Variants in LOXL3 observed in about 807,000 individuals in gnomAD.
LOXL3 encodes the protein lysyl oxidase homolog 3.
In LOXL3, 60 loss-of-function variants were observed where a neutral mutation model predicts 91.8. The observed-to-expected ratio is 0.65, with a 90% CI of 0.53 to 0.81. The LOEUF (loss-of-function observed/expected upper bound fraction) is 0.81. Among genes scored for constraint, LOXL3 ranks in the 30% least tolerant of loss-of-function variants. The pLI is 0.00. For missense variants in LOXL3, 874 were observed against 1,000.4 expected (o/e 0.87, Z 1.70); for synonymous variants, 355 against 387.6 (o/e 0.92, Z 0.99).
chr2:74,554,421 T>TGGCTTTCACTCTGACGTCAC (rs1001809605), upstream of LOXL3: 7 of 366,458 alleles, frequency 1.9e-5, no homozygotes, highest in Non-Finnish European at 3.0e-5. The surrounding 1 kb of genome is among the most constrained non-coding windows in gnomAD (Gnocchi z 4.9). Flanking sequence ...GGTGATGTCA[T>TGGCTTTCACTCTGACGTCAC]GGCTTTCACT....
At position 74,533,699 on chromosome 2, in the gene LOXL3, T is replaced by C; in HGVS notation, c.2189-20A>G. On this transcript the variant is annotated intron_variant, in intron 13 of 13. Coordinates refer to ENST00000264094, the MANE Select transcript of LOXL3 (RefSeq NM_032603.5). ...CATCACCTGCAGAGTGGACAGGCAA[T>C]TTGGGAGGCGCCCTGCACAGAGGGA... 6.2e-7 allele frequency: 1 copy of C among 1,612,258 alleles called. No homozygotes were observed. The highest frequency in any genetic ancestry group is 8.5e-7 in the Non-Finnish European group (1 of 1,178,596).
chr2:74,546,826 C>T (rs1208028708), intron 4 of LOXL3, among the ~76,000 whole-genome samples: 1 of 152,168 alleles, frequency 6.6e-6, no homozygotes, highest in African/African-American at 2.4e-5. Context: ...AAGCCATTCT[C>T]CCGCCTCAGC....
At position 74,536,757 on chromosome 2, in the gene LOXL3, C is replaced by G. The variant is rs765343566; in HGVS notation, c.864G>C (p.Ala288=). Residue 288 remains alanine, a synonymous_variant, in exon 5 of 14, where the codon GCG becomes GCC. Coordinates refer to ENST00000264094, the MANE Select transcript of LOXL3 (RefSeq NM_032603.5). This position sits in a 1 kb window ranked among gnomAD's most constrained non-coding sequence, Gnocchi z 4.5. ...GTTGCTTCTTCTGGCCACTGGATGC[C>G]GCGTAGACAGGGCCTGGCACACAGC... ...VVSCVPGPVY[A]ASSGQKKQQQ... is the part of the protein sequence containing the mutation. The G allele has an allele frequency of 6.2e-7, 1 of 1,614,206 alleles. No homozygotes were observed. Among genetic ancestry groups the G allele is most frequent in the Non-Finnish European group, 8.5e-7 (1 of 1,180,022 alleles).
At chr2:74,542,697 C>T (rs1168432201) in intron 4 of LOXL3, among the ~76,000 whole-genome samples, 1 of 151,146 alleles carries the variant, frequency 6.6e-6, no homozygotes, top group Non-Finnish European at 1.5e-5. Context: ...GCAATCTTGG[C>T]TCACTGCAAC....
Position 74,552,360 on chromosome 2 carries a change from G to T in LOXL3, c.275C>A (p.Thr92Lys). 1 of 1,610,616 alleles carries T rather than the reference G, an allele frequency of 6.2e-7. No homozygotes were observed. The highest frequency in any genetic ancestry group is 1.1e-5 in the South Asian group (1 of 91,028). The change falls in exon 2 of 14, where the codon ACA (threonine) becomes AAA (lysine). Residue 92 changes from threonine (T) to lysine (K), a missense_variant. Thr to Lys is a moderately conservative substitution (Grantham distance 78). Coordinates refer to ENST00000264094, the MANE Select transcript of LOXL3 (RefSeq NM_032603.5). ...LCRELGFTEATGWTHSAKYGP... is the reference protein window; with the variant it reads ...LCRELGFTEAKGWTHSAKYGP... ...ATATTTGGCACTGTGGGTCCAGCCT[G>T]TGGCCTCTGTGAAGCCCAGCTCCCG...
chr2:74,540,180 C>T (rs1676243823), intron 4 of LOXL3, among the ~76,000 whole-genome samples: 1 of 152,160 alleles, frequency 6.6e-6, no homozygotes, highest in Non-Finnish European at 1.5e-5. Context: ...TTGGCCTCTT[C>T]AGCACATGAC....
upstream of LOXL3, chr2:74,554,771 T>A (rs1677290412): frequency 6.2e-7 from 1 of 1,613,420 alleles, no homozygotes; most frequent in Non-Finnish European, 8.5e-7. This position sits in a 1 kb window ranked among gnomAD's most constrained non-coding sequence, Gnocchi z 4.9. Context: ...GGAGCAGTGA[T>A]GGAAGGGCCG....
chr2:74,547,102 C>T (rs911730612), intron 4 of LOXL3, among the ~76,000 whole-genome samples: 1 of 152,156 alleles, frequency 6.6e-6, no homozygotes, highest in African/African-American at 2.4e-5. Flanking sequence ...CCTTGACTTC[C>T]TGGGCTCAAG....
In LOXL3 at chr2:74,534,444, G is replaced by A. The variant is rs1426713207; in HGVS notation, c.1824-13C>T. 1 of 1,613,998 alleles carries A rather than the reference G, an allele frequency of 6.2e-7. No homozygotes were observed. The highest frequency in any genetic ancestry group is 1.1e-5 in the South Asian group (1 of 91,074). ...GCTGTGGTAATGCCTGTGGGGAGAA[G>A]GGAACTTCTGTTTCCTTCTCTGCCC... On this transcript the variant is annotated splice_polypyrimidine_tract_variant and intron_variant, in intron 10 of 13. Coordinates refer to ENST00000264094, the MANE Select transcript of LOXL3 (RefSeq NM_032603.5).
chr2:74,553,435 G>A (rs1677158253), intron 1 of LOXL3, among the ~76,000 whole-genome samples: 1 of 152,208 alleles, frequency 6.6e-6, no homozygotes, highest in Non-Finnish European at 1.5e-5. Context: ...GGGTAGGGTT[G>A]TCCCAGCCTC....
At position 74,536,711 on chromosome 2, in the gene LOXL3, C is replaced by A. The variant is rs1434720691; in HGVS notation, c.910G>T (p.Glu304Ter). 1.2e-6 allele frequency: 2 copies of A among 1,614,000 alleles called. No homozygotes were observed. Among genetic ancestry groups the A allele is most frequent in the Admixed American group, 1.7e-5 (1 of 60,026 alleles). Residue 304 changes from glutamate (E) to a stop codon, truncating the protein, a stop_gained and splice_region_variant, in exon 5 of 14, where the codon GAG becomes TAG. Coordinates refer to ENST00000264094, the MANE Select transcript of LOXL3 (RefSeq NM_032603.5). LOFTEE classifies it high-confidence loss of function. The surrounding 1 kb of genome is among the most constrained non-coding windows in gnomAD (Gnocchi z 4.5). ...GTCATAATCACTGTCTCACACACCT[C>A]CCCCTGAGGCTTCGACTGTTGTTGC... ...KKQQQSKPQG[E>*]ARVRLKGGAH...
chr2:74,551,641 C>T (rs1677020354), intron 2 of LOXL3, among the ~76,000 whole-genome samples: 1 of 152,256 alleles, frequency 6.6e-6, no homozygotes, highest in African/African-American at 2.4e-5. Flanking sequence ...TTTCCATTTT[C>T]TACTGTCCCT....
In LOXL3 at chr2:74,536,673, T is replaced by A; in HGVS notation, c.912+36A>T. 6.3e-7 allele frequency: 1 copy of A among 1,599,584 alleles called. No homozygotes were observed. The highest frequency in any genetic ancestry group is 1.1e-5 in the South Asian group (1 of 90,460). ...GTTGCCAGGCTAGGGGTTCTCCACC[T>A]GGGGTGGGAAAGGTCATAATCACTG... On this transcript the variant is annotated intron_variant, in intron 5 of 13. Transcript: ENST00000264094. This position sits in a 1 kb window ranked among gnomAD's most constrained non-coding sequence, Gnocchi z 4.5.
chr2:74,549,602 G>A lies in LOXL3; in HGVS notation c.478-19C>T, dbSNP rs368534934. 1.3e-6 allele frequency: 2 copies of A among 1,594,056 alleles called. No homozygotes were observed. Among genetic ancestry groups the A allele is most frequent in the African/African-American group, 2.7e-5 (2 of 74,566 alleles). Reference sequence around the variant, plus strand: ...GCTCTACCTGGGGGCGGGGCCACAAGCAGGGAAAGAATCCCAGTGGCACCT... The same window carrying A: ...GCTCTACCTGGGGGCGGGGCCACAAACAGGGAAAGAATCCCAGTGGCACCT... On this transcript the variant is annotated intron_variant, in intron 3 of 13. Coordinates refer to ENST00000264094, the MANE Select transcript of LOXL3 (RefSeq NM_032603.5). This position sits in a 1 kb window ranked among gnomAD's most constrained non-coding sequence, Gnocchi z 5.3.
Position 74,532,827 on chromosome 2 carries a change from C to A in LOXL3, c.*779G>T. On this transcript the variant is annotated 3_prime_UTR_variant, in exon 14 of 14. Coordinates refer to ENST00000264094, the MANE Select transcript of LOXL3 (RefSeq NM_032603.5). ...GTCCATTTTTCTCTATAGGGCTGGT[C>A]TGCGGCCTGGTGATGTGATTTTGGC... The A allele has an allele frequency of 6.2e-7, 1 of 1,614,104 alleles. No homozygotes were observed. The highest frequency in any genetic ancestry group is 1.1e-5 in the South Asian group (1 of 91,054).
chr2:74,550,388 G>A (rs1438593252), intron 2 of LOXL3, 40 bp from the exon 3 acceptor site: 4 of 1,590,984 alleles, frequency 2.5e-6, no homozygotes, highest in Non-Finnish European at 3.4e-6. Context: ...AGCTTGGGGA[G>A]GGAGGATGGG....
Position 74,534,694 on chromosome 2 carries a change from A to G in LOXL3, c.1660T>C (p.Cys554Arg). The G allele has an allele frequency of 6.2e-7, 1 of 1,614,192 alleles. No homozygotes were observed. The highest frequency in any genetic ancestry group is 8.5e-7 in the Non-Finnish European group (1 of 1,180,024). Residue 554 changes from cysteine (C) to arginine (R), a missense_variant, in exon 10 of 14, where the codon TGT becomes CGT. Coordinates refer to ENST00000264094, the MANE Select transcript of LOXL3 (RefSeq NM_032603.5). ...GCCAGGCAGTTCTCTTCCGCAGCAC[A>G]GTACAACATATGCAGGGGCCGGTCT... ...IEDRPLHMLY[C>R]AAEENCLASS...
At chr2:74,539,714 A>G (rs1426573593) in intron 4 of LOXL3, 1 of 152,638 alleles carries the variant, frequency 6.6e-6, no homozygotes, top group African/African-American at 2.4e-5. Context: ...TCTGGGATGG[A>G]CATGGATGGC....
upstream of LOXL3, chr2:74,555,540 G>T (rs765462919): frequency 6.2e-7 from 1 of 1,613,576 alleles, no homozygotes; most frequent in Non-Finnish European, 8.5e-7. This position sits in a 1 kb window ranked among gnomAD's most constrained non-coding sequence, Gnocchi z 6.1. Context: ...TCCCCGCTGA[G>T]GAAATTACGG....
Sources: allele counts gnomAD v4.1 joint callset (sites outside exome capture counted in the v4.1 genomes callset), GRCh38; gene constraint gnomAD v4.1.1; non-coding constraint Gnocchi (gnomAD v3.1); transcripts MANE v1.5; gene names NCBI Gene and HGNC (gene_info 2026-07-23, HGNC 2026-07-21).